The following RAB2A variants were observed in gnomAD, a reference collection of about 807,000 sequenced individuals.
RAB2A encodes the protein RAB2A, member RAS oncogene family.
In RAB2A, 7 loss-of-function variants were observed where a neutral mutation model predicts 32.5. The ratio of observed to expected loss-of-function variants is 0.22; its 90% CI spans 0.12 to 0.40. The LOEUF (loss-of-function observed/expected upper bound fraction) is 0.40, where lower values mean the gene tolerates loss of function less well. RAB2A is among the 10% of genes least tolerant of loss of function. The pLI is 1.00. For synonymous variants in RAB2A, 79 were observed against 85.2 expected, an observed-to-expected ratio of 0.93 and a Z score of 0.40; for missense variants, 108 against 260.7, an observed-to-expected ratio of 0.41 and a Z score of 4.03.
chr8:60,551,106 C>T (rs1807841025), intron 1 of RAB2A, among the ~76,000 whole-genome samples: 1 of 152,270 alleles, frequency 6.6e-6, no homozygotes, highest in Non-Finnish European at 1.5e-5. Flanking sequence ...CATCTTCCTC[C>T]TTCCCTCCAC....
At chr8:60,535,664 A>G (rs144132915) in intron 1 of RAB2A, among the ~76,000 whole-genome samples, 1 of 152,328 alleles carries the variant, frequency 6.6e-6, no homozygotes, top group African/African-American at 2.4e-5. Flanking sequence ...TGGATGGTTC[A>G]CAGACAGGAA....
intron 1 of RAB2A, among the ~76,000 whole-genome samples, chr8:60,536,473 T>C (rs1807558764): frequency 6.6e-6 from 1 of 152,216 alleles, no homozygotes; most frequent in Non-Finnish European, 1.5e-5. Flanking sequence ...AGTTTTCTCT[T>C]CAAGCAACTT....
At position 60,623,346 on chromosome 8, in the gene RAB2A, T is replaced by G. The variant is rs1380754623; in HGVS notation, c.*2577T>G. 1 of 152,232 alleles carries G rather than the reference T, an allele frequency of 6.6e-6. No individual in the cohort carries two copies. Among genetic ancestry groups the G allele is most frequent in the Non-Finnish European group, 1.5e-5 (1 of 68,032 alleles). 9.4% of individuals were successfully genotyped at this position (152,232 alleles called of 1,614,324 possible). ...AGTTAGGATATAAATCGTACCAAAA[T>G]GTTTCCAATCACTCAGAAAAACTGA... On this transcript the variant is annotated 3_prime_UTR_variant, in exon 8 of 8. Transcript: ENST00000262646.
chr8:60,524,387 T>A (rs1807347648), intron 1 of RAB2A, among the ~76,000 whole-genome samples: 2 of 102,092 alleles, frequency 2.0e-5, no homozygotes, highest in Admixed American at 1.7e-4. Flanking sequence ...CATTTGTTAT[T>A]CTCTGCTCAC....
chr8:60,591,784 TG>T, intron 5 of RAB2A, 73 bp from the exon 6 acceptor site: 1 of 928,364 alleles, frequency 1.1e-6, no homozygotes, highest in Non-Finnish European at 1.7e-6. Context: ...TTGAATTCCA[TG>T]GTACACTTTC....
At chr8:60,519,961 C>G (rs896386813) in intron 1 of RAB2A, among the ~76,000 whole-genome samples, 1 of 152,136 alleles carries the variant, frequency 6.6e-6, no homozygotes, top group Non-Finnish European at 1.5e-5. Context: ...GTGTGGCCCT[C>G]CCCTAGAAAA....
chr8:60,602,488 A>G (rs1804150734), intron 6 of RAB2A, among the ~76,000 whole-genome samples: 1 of 152,214 alleles, frequency 6.6e-6, no homozygotes, highest in South Asian at 2.1e-4. Context: ...TTTATTTGGG[A>G]TCAAGGAAGA....
At chr8:60,537,372 C>G (rs971292500) in intron 1 of RAB2A, among the ~76,000 whole-genome samples, 7 of 152,124 alleles carry the variant, frequency 4.6e-5, no homozygotes, top group African/African-American at 1.7e-4. Context: ...GAGGCATGTG[C>G]TACCACGCCC....
intron 3 of RAB2A, 59 bp downstream of exon 3, chr8:60,572,172 C>A: frequency 7.8e-7 from 1 of 1,289,244 alleles, no homozygotes; most frequent in Non-Finnish European, 1.1e-6. Flanking sequence ...GAAAGTACAT[C>A]GTATATTTGT....
At position 60,622,733 on chromosome 8, in the gene RAB2A, C is replaced by T. The variant is rs889807638; in HGVS notation, c.*1964C>T. 6.6e-5 allele frequency: 10 copies of T among 152,124 alleles called. No homozygotes were observed. Among genetic ancestry groups the T allele is most frequent in the Admixed American group, 6.6e-5 (1 of 15,264 alleles). The allele number at this position is 152,124 out of a possible 1,614,324, so 9.4% of individuals were successfully genotyped here. A position where few individuals can be genotyped will look rare whatever the true frequency, so the allele number is the denominator to read the frequency against. ...ACAAACCAGGACATGCATTTTAATA[C>T]CCTAAGGAAAAATGGAACCCTCAAA... On this transcript the variant is annotated 3_prime_UTR_variant, in exon 8 of 8. Coordinates refer to ENST00000262646, the MANE Select transcript of RAB2A (RefSeq NM_002865.3).
At chr8:60,569,878 A>G (rs1808171504) in intron 2 of RAB2A, 1 of 428,734 alleles carries the variant, frequency 2.3e-6, no homozygotes, top group African/African-American at 2.1e-5. Context: ...AAGGTAAGCA[A>G]AGAGAATATT....
At chr8:60,594,480 T>G (rs934433579) in intron 6 of RAB2A, among the ~76,000 whole-genome samples, 1 of 152,146 alleles carries the variant, frequency 6.6e-6, no homozygotes, top group African/African-American at 2.4e-5. Context: ...TGATTTTTGT[T>G]TGTTTGTTTG....
rs370185526 is a variant in RAB2A, at chr8:60,517,267, G to T, written c.46+14G>T. On this transcript the variant is annotated intron_variant, in intron 1 of 7. Coordinates refer to ENST00000262646, the MANE Select transcript of RAB2A (RefSeq NM_002865.3). ...TCGGCGACACAGGTGAGGGCCCCGG[G>T]CGCGGCCGGGCGGGTGTCGGCGGCC... The T allele has an allele frequency of 2.2e-3, 3,234 of 1,482,394 alleles. 99 individuals are homozygous for T. In the South Asian group the frequency reaches 0.039, roughly 18 times the overall value. The allele number at this position is 1,482,394 out of a possible 1,614,324, so 91.8% of individuals were successfully genotyped here.
intron 1 of RAB2A, among the ~76,000 whole-genome samples, chr8:60,544,353 T>A (rs1807694893): frequency 6.6e-6 from 1 of 151,654 alleles, no homozygotes. Context: ...ATTCATTTTT[T>A]AAAATATATA....
chr8:60,542,533 TTAA>T (rs1394676805), intron 1 of RAB2A, among the ~76,000 whole-genome samples: 1 of 151,934 alleles, frequency 6.6e-6, no homozygotes, highest in East Asian at 1.9e-4. Context: ...GAAAGAACAC[TTAA>T]TAAATGTATG....
intron 6 of RAB2A, among the ~76,000 whole-genome samples, chr8:60,593,333 C>T (rs1258478496): frequency 2.6e-5 from 4 of 152,122 alleles, no homozygotes; most frequent in East Asian, 3.8e-4. Flanking sequence ...TGATGATTTC[C>T]CTTGGTTTTC....
At position 60,620,975 on chromosome 8, in the gene RAB2A, G is replaced by A. The variant is rs775952223; in HGVS notation, c.*206G>A. The A allele has an allele frequency of 2.1e-6, 1 of 486,644 alleles. No individual in the cohort carries two copies. Among genetic ancestry groups the A allele is most frequent in the Non-Finnish European group, 3.6e-6 (1 of 276,776 alleles). 30.1% of individuals were successfully genotyped at this position (486,644 alleles called of 1,614,324 possible). ...TTGGAGATTGTATTCATATCTATTT[G>A]CATTTGATTTCTAGGTCAATTGATG... On this transcript the variant is annotated 3_prime_UTR_variant, in exon 8 of 8. Coordinates refer to ENST00000262646, the MANE Select transcript of RAB2A (RefSeq NM_002865.3).
intron 6 of RAB2A, among the ~76,000 whole-genome samples, chr8:60,598,547 G>A (rs915340147): frequency 2.9e-5 from 3 of 102,858 alleles, no homozygotes; most frequent in East Asian, 2.9e-4. Context: ...GTATGTGTAC[G>A]TTTATAAAGT....
chr8:60,560,807 C>T (rs773195518), intron 2 of RAB2A, among the ~76,000 whole-genome samples: 3 of 151,312 alleles, frequency 2.0e-5, no homozygotes, highest in East Asian at 3.9e-4. Flanking sequence ...TGGCCCAAGA[C>T]AGTTATTCTT....
Sources: gnomAD v4.1 joint callset for allele counts (sites outside exome capture counted in the v4.1 genomes callset) on GRCh38, gnomAD v4.1.1 for gene constraint, MANE v1.5 for transcripts, NCBI Gene and HGNC (gene_info 2026-07-23, HGNC 2026-07-21) for gene names.